The following PSG9 variants were observed in gnomAD, a reference collection of about 807,000 sequenced individuals.
PSG9 encodes pregnancy specific beta-1-glycoprotein 9.
PSG9 carries 49 observed loss-of-function variants against 41.9 expected under a neutral mutation model. The ratio of observed to expected loss-of-function variants is 1.17; its 90% CI spans 0.93 to 1.48. PSG9 has a LOEUF of 1.48. PSG9 is among the 40% of genes most tolerant of loss of function. The pLI is 0.00. For synonymous variants in PSG9, 263 were observed against 196.8 expected (o/e 1.34, Z -2.82); for missense variants, 641 against 520.3 (o/e 1.23, Z -2.26).
Position 43,261,898 on chromosome 19 carries a change from C to A in PSG9, c.671G>T (p.Ser224Ile). Reference protein sequence around the residue: ...PYECEIRNPVSASRSDPVTLN... With the variant: ...PYECEIRNPVIASRSDPVTLN... ...GGTGACTGGGTCACTGCGACTGGCA[C>A]TCACTGGGTTCCGTATTTCACATTC... Residue 224 changes from serine to isoleucine, a missense_variant, in exon 3 of 6, where the codon AGT becomes ATT. Physicochemically the swap from Ser to Ile is moderately radical, Grantham distance 142. Transcript: ENST00000270077. The A allele has an allele frequency of 6.2e-7, 1 of 1,614,088 alleles. No individual in the cohort carries two copies. Among genetic ancestry groups the A allele is most frequent in the Non-Finnish European group, 8.5e-7 (1 of 1,179,950 alleles).
chr19:43,258,572 A>T (rs1348580655), intron 4 of PSG9, 116 bp from the exon 5 acceptor site: 5 of 1,456,112 alleles, frequency 3.4e-6, no homozygotes, highest in Non-Finnish European at 3.6e-6. Flanking sequence ...AGTCCCAGCC[A>T]AAGTCCCTCT....
intron 1 of PSG9, among the ~76,000 whole-genome samples, 163 bp from the exon 2 acceptor site, chr19:43,268,312 T>G (rs1969081716): frequency 6.6e-6 from 1 of 152,064 alleles, no homozygotes; most frequent in Admixed American, 6.5e-5. Flanking sequence ...TGTGTTTGTG[T>G]ATGTGTATGT....
intron 1 of PSG9, 35 bp from the exon 2 acceptor site, chr19:43,268,184 A>T: frequency 4.5e-6 from 7 of 1,555,904 alleles, no homozygotes; most frequent in Non-Finnish European, 6.1e-6. Context: ...TAATATTGAG[A>T]CCTATGTATT....
intron 3 of PSG9, chr19:43,260,533 G>C (rs1234737064): frequency 6.8e-6 from 1 of 146,852 alleles, no homozygotes; most frequent in Non-Finnish European, 1.5e-5. Flanking sequence ...TTGATGATTA[G>C]TTTTTGGTCA....
At chr19:43,254,259 G>T (rs148748498) in intron 5 of PSG9, among the ~76,000 whole-genome samples, 3,940 of 146,190 alleles carry the variant, frequency 0.027, 333 homozygotes, top group Middle Eastern at 0.041. Flanking sequence ...CAGAAGCTTA[G>T]CATGGTGTAA....
At chr19:43,257,803 T>A in intron 5 of PSG9, 1 of 1,311,668 alleles carries the variant, frequency 7.6e-7, no homozygotes, top group Non-Finnish European at 9.6e-7. Flanking sequence ...TGTGAGCTTG[T>A]TTCAAAGCCT....
chr19:43,257,700 A>T, intron 5 of PSG9: 1 of 1,118,830 alleles, frequency 8.9e-7, no homozygotes, highest in Non-Finnish European at 1.1e-6. Flanking sequence ...AGGCAGGGCC[A>T]GTCACCAGAG....
At chr19:43,256,432 A>AT (rs1968446762) in intron 5 of PSG9, among the ~76,000 whole-genome samples, 1 of 146,974 alleles carries the variant, frequency 6.8e-6, no homozygotes, top group African/African-American at 2.6e-5. Context: ...ATATTTGCAA[A>AT]TTATATGTGT....
rs527620811 is a variant in PSG9 at position 43,253,767 on chromosome 19, A to C, written c.1244-121T>G. 8 of 601,888 alleles carry C rather than the reference A, an allele frequency of 1.3e-5. 1 individual carries two copies. In the East Asian group the frequency reaches 1.7e-4, roughly 13 times the overall value. The allele number at this position is 601,888 out of a possible 1,614,324, so 37.3% of individuals were successfully genotyped here. ...AGCAAGCCTAGTTCTCTGAGGCTCT[A>C]TTTAACTCTAATGGGTGGCTGGTTG... On this transcript the variant is annotated intron_variant, in intron 5 of 5. Transcript: ENST00000270077.
At chr19:43,264,208 G>A (rs1968859098) in intron 2 of PSG9, among the ~76,000 whole-genome samples, 1 of 152,000 alleles carries the variant, frequency 6.6e-6, no homozygotes, top group South Asian at 2.1e-4. Flanking sequence ...AAAACCACCA[G>A]TATTCCCATT....
Position 43,258,745 on chromosome 19 carries a change from T to C in PSG9, c.988+112A>G, listed in dbSNP as rs1968561147. 4.7e-6 allele frequency: 7 copies of C among 1,490,008 alleles called. 2 individuals are homozygous for C. In the East Asian group the frequency reaches 1.1e-4, roughly 23 times the overall value. The allele number at this position is 1,490,008 out of a possible 1,614,324, so 92.3% of individuals were successfully genotyped here. On this transcript the variant is annotated intron_variant, in intron 4 of 5. Coordinates refer to ENST00000270077, the MANE Select transcript of PSG9 (RefSeq NM_002784.5). ...CAGGGAGTCATGGCCACCTCGGATGTCTAGAAGTAAAGGTGTCTATACTTG... is the reference window on the plus strand; with the variant it reads ...CAGGGAGTCATGGCCACCTCGGATGCCTAGAAGTAAAGGTGTCTATACTTG...
At chr19:43,262,896 C>T (rs1968793551) in intron 2 of PSG9, among the ~76,000 whole-genome samples, 1 of 152,132 alleles carries the variant, frequency 6.6e-6, no homozygotes, top group African/African-American at 2.4e-5. Context: ...GCTCCCTTCC[C>T]CCTGTAGAGG....
In PSG9 at chr19:43,258,458, T is replaced by G; in HGVS notation, c.989-2A>C. 1 of 1,559,504 alleles carries G rather than the reference T, an allele frequency of 6.4e-7. No homozygotes were observed. The highest frequency in any genetic ancestry group is 8.6e-7 in the Non-Finnish European group (1 of 1,160,370). On this transcript the variant is annotated splice_acceptor_variant, in intron 4 of 5. Coordinates refer to ENST00000270077, the MANE Select transcript of PSG9 (RefSeq NM_002784.5). LOFTEE classifies it high-confidence loss of function. ...AAATTCTGGGGAGGTCTGGACCATC[T>G]GGAGGAAAGAGAATAAAGCCACACG...
At chr19:43,261,054 AG>A (rs1427499369) in intron 3 of PSG9, among the ~76,000 whole-genome samples, 2 of 152,100 alleles carry the variant, frequency 1.3e-5, no homozygotes, top group Non-Finnish European at 2.9e-5. Flanking sequence ...GTGAAGGGAC[AG>A]GCAAAAGCTG....
At chr19:43,254,035 C>G (rs1452789376) in intron 5 of PSG9, among the ~76,000 whole-genome samples, 3 of 145,068 alleles carry the variant, frequency 2.1e-5, no homozygotes, top group Non-Finnish European at 4.5e-5. Flanking sequence ...ATTCTTTGCC[C>G]TTAGCTTTTT....
chr19:43,265,209 A>T (rs1968911029), intron 2 of PSG9, among the ~76,000 whole-genome samples: 1 of 152,162 alleles, frequency 6.6e-6, no homozygotes. Context: ...TTGTCAAACT[A>T]GTGAAAGACC....
Position 43,261,861 on chromosome 19 carries a change from G to T in PSG9, c.708C>A (p.Leu236=), listed in dbSNP as rs1968730484. ...SRSDPVTLNL[L]PKLPIPYITI... ...CACAGAGGAACAGAAGATACTCACG[G>T]AGGAGATTCAGGGTGACTGGGTCAC... The change falls in exon 3 of 6, where the codon CTC becomes CTA. Residue 236 remains leucine (L), a splice_region_variant and synonymous_variant. Coordinates refer to ENST00000270077, the MANE Select transcript of PSG9 (RefSeq NM_002784.5). 2.5e-6 allele frequency: 4 copies of T among 1,613,946 alleles called. No homozygotes were observed. The highest frequency in any genetic ancestry group is 3.3e-5 in the Admixed American group (2 of 60,002).
chr19:43,266,651 C>T (rs1407656174), intron 2 of PSG9, among the ~76,000 whole-genome samples: 1 of 152,118 alleles, frequency 6.6e-6, no homozygotes, highest in Non-Finnish European at 1.5e-5. Flanking sequence ...GGAATACAGA[C>T]TAATCAGCTG....
chr19:43,255,705 C>A (rs1185187440), intron 5 of PSG9, among the ~76,000 whole-genome samples: 1 of 146,300 alleles, frequency 6.8e-6, no homozygotes, highest in African/African-American at 2.6e-5. Flanking sequence ...TTTCAATACA[C>A]TAACCATGAA....
Sources: gnomAD v4.1 joint callset for allele counts (sites outside exome capture counted in the v4.1 genomes callset) on GRCh38, gnomAD v4.1.1 for gene constraint, MANE v1.5 for transcripts, NCBI Gene and HGNC (gene_info 2026-07-23, HGNC 2026-07-21) for gene names.